The following IRAK4 variants were observed in gnomAD, a reference collection of about 807,000 sequenced individuals.
The protein encoded by IRAK4 is interleukin 1 receptor associated kinase 4, also known as interleukin-1 receptor-associated kinase 4.
Under a neutral mutation model 51.8 loss-of-function variants are expected in IRAK4, and 44 were observed. The observed-to-expected ratio is 0.85, with a 90% CI of 0.67 to 1.09. The LOEUF (loss-of-function observed/expected upper bound fraction) is 1.09, where lower values mean the gene tolerates loss of function less well. Among genes scored for constraint, IRAK4 ranks in the 50% least tolerant of loss-of-function variants. IRAK4 has a pLI of 0.00. For missense variants in IRAK4, 487 were observed against 538.0 expected (o/e 0.91, Z 0.94); for synonymous variants, 149 against 174.1 (o/e 0.86, Z 1.13).
chr12:43,772,468 C>T (rs1489609188), intron 4 of IRAK4, 106 bp downstream of exon 4: 1 of 932,874 alleles, frequency 1.1e-6, no homozygotes, highest in Non-Finnish European at 1.7e-6. Context: ...CACAGGCACA[C>T]TGGCAATAGC....
intron 2 of IRAK4, 197 bp downstream of exon 2, chr12:43,768,469 A>G: frequency 2.1e-6 from 1 of 477,022 alleles, no homozygotes; most frequent in South Asian, 3.9e-5. Flanking sequence ...AATAGGGCTA[A>G]TACTGTGATC....
chr12:43,780,276 C>G (rs1941659781), intron 8 of IRAK4, among the ~76,000 whole-genome samples: 2 of 152,100 alleles, frequency 1.3e-5, no homozygotes. Context: ...TCTTTTAAGA[C>G]ATTTTACTAG....
chr12:43,767,832 T>C (rs1940328163), intron 1 of IRAK4, among the ~76,000 whole-genome samples: 1 of 152,196 alleles, frequency 6.6e-6, no homozygotes, highest in African/African-American at 2.4e-5. Flanking sequence ...TAAATTTTAC[T>C]AGGAAAATAT....
rs758176817 is a variant in IRAK4 at position 43,782,296 on chromosome 12, A to G, written c.942-11A>G. 6.2e-6 allele frequency: 10 copies of G among 1,604,948 alleles called. No individual in the cohort carries two copies. The highest frequency in any genetic ancestry group is 2.2e-5 in the East Asian group (1 of 44,820). Reference sequence around the variant, plus strand: ...AAACATTTTTTTCTTCAAACTTTACATTTTTTTCAGTGCAAATATCTTACT... The same window carrying G: ...AAACATTTTTTTCTTCAAACTTTACGTTTTTTTCAGTGCAAATATCTTACT... On this transcript the variant is annotated splice_polypyrimidine_tract_variant and intron_variant, in intron 8 of 11. Coordinates refer to ENST00000613694, the MANE Select transcript of IRAK4 (RefSeq NM_016123.4).
In IRAK4 at chr12:43,771,383, A is replaced by G. The variant is rs118097313; in HGVS notation, c.307+18A>G. Reference sequence around the variant, plus strand: ...GCTCCCAGGTAAACTGATTGTGACCAGGGTGTCCACAATTAGGGTGGAAAG... The same window carrying G: ...GCTCCCAGGTAAACTGATTGTGACCGGGGTGTCCACAATTAGGGTGGAAAG... On this transcript the variant is annotated intron_variant, in intron 3 of 11. Transcript: ENST00000613694. The G allele has an allele frequency of 8.9e-3, 14,380 of 1,613,574 alleles. 189 individuals carry two copies. Among genetic ancestry groups the G allele is most frequent in the East Asian group, 0.056 (2,529 of 44,866 alleles).
chr12:43,768,511 A>T (rs1391587243), intron 2 of IRAK4: 5 of 346,498 alleles, frequency 1.4e-5, no homozygotes, highest in Non-Finnish European at 2.6e-5. Context: ...TAGAATCAAG[A>T]TTCCCACCTT....
intron 9 of IRAK4, 80 bp downstream of exon 9, chr12:43,782,570 C>T (rs375499445): frequency 1.7e-6 from 2 of 1,149,942 alleles, no homozygotes; most frequent in Non-Finnish European, 1.3e-6. Flanking sequence ...TTTAATACAC[C>T]CATCTTGTTT....
chr12:43,773,949 T>C lies in IRAK4; in HGVS notation c.652-16T>C. The C allele has an allele frequency of 2.0e-6, 3 of 1,528,560 alleles. No individual in the cohort carries two copies. The highest frequency in any genetic ancestry group is 2.7e-5 in the African/African-American group (2 of 73,462). The allele number at this position is 1,528,560 out of a possible 1,614,324, so 94.7% of individuals were successfully genotyped here. A position where few individuals can be genotyped will look rare whatever the true frequency, so the allele number is the denominator to read the frequency against. On this transcript the variant is annotated splice_polypyrimidine_tract_variant and intron_variant, in intron 5 of 11. Coordinates refer to ENST00000613694, the MANE Select transcript of IRAK4 (RefSeq NM_016123.4). ...TAGAATTGTGTAGTATTACATTGTA[T>C]ATTTTATTTTTTCAGATGGTTGACA...
At chr12:43,774,052 G>A (rs368286263) in intron 6 of IRAK4, 23 bp downstream of exon 6, 15 of 1,573,830 alleles carry the variant, frequency 9.5e-6, no homozygotes, top group East Asian at 2.2e-5. Flanking sequence ...CTGGCAGTGC[G>A]GTGTAGTGGA....
intron 8 of IRAK4, among the ~76,000 whole-genome samples, chr12:43,780,728 C>T (rs943403977): frequency 1.3e-5 from 2 of 152,054 alleles, no homozygotes; most frequent in Admixed American, 6.5e-5. Context: ...TCCACCACCA[C>T]GCTCTGCTAA....
chr12:43,773,982 T>A lies in IRAK4; in HGVS notation c.669T>A (p.Thr223=). The change falls in exon 6 of 12, where the codon ACT becomes ACA. Residue 223 remains threonine (T), a synonymous_variant. Transcript: ENST00000613694. ...TTTTTCAGATGGTTGACATTACTAC[T>A]GAAGAACTGAAACAGCAGTTTGATC... ...KKLAAMVDIT[T]EELKQQFDQE... is the part of the protein sequence containing the mutation. 1 of 1,605,912 alleles carries A rather than the reference T, an allele frequency of 6.2e-7. No individual in the cohort carries two copies.
Position 43,782,053 on chromosome 12 carries a change from T to A in IRAK4, c.942-254T>A, listed in dbSNP as rs1316834356. Among the ~76,000 whole-genome samples the A allele has an allele frequency of 2.2e-5, 3 of 135,914 alleles. No homozygotes were observed. The East Asian group carries it at 7.0e-4, about 32-fold the overall frequency. The allele number at this position is 135,914 out of a possible 152,430, so 89.2% of individuals were successfully genotyped here. On this transcript the variant is annotated intron_variant, in intron 8 of 11. Coordinates refer to ENST00000613694, the MANE Select transcript of IRAK4 (RefSeq NM_016123.4). Reference sequence around the variant, plus strand: ...ATTTCATTTTTATTCTCCTAAATGTTTTCCTCAAGAAACATAAAAAAAGAG... The same window carrying A: ...ATTTCATTTTTATTCTCCTAAATGTATTCCTCAAGAAACATAAAAAAAGAG...
chr12:43,789,148 T>C lies in IRAK4; in HGVS notation c.*2433T>C, dbSNP rs9849. ...GTTTAGATGTTTGTCTCCTTCAAAT[T>C]TCATGTTTAAATGTAATCCCCAGTG... On this transcript the variant is annotated 3_prime_UTR_variant, in exon 12 of 12. Coordinates refer to ENST00000613694, the MANE Select transcript of IRAK4 (RefSeq NM_016123.4). The C allele has an allele frequency of 0.21, 31,988 of 152,000 alleles. 6,142 individuals are homozygous for C. The highest frequency in any genetic ancestry group is 0.51 in the African/African-American group (21,196 of 41,370). 9.4% of individuals were successfully genotyped at this position (152,000 alleles called of 1,614,324 possible).
Position 43,778,189 on chromosome 12 carries a change from T to G in IRAK4, c.832-4T>G, listed in dbSNP as rs751605479. On this transcript the variant is annotated splice_polypyrimidine_tract_variant and splice_region_variant and intron_variant, in intron 7 of 11. Coordinates refer to ENST00000613694, the MANE Select transcript of IRAK4 (RefSeq NM_016123.4). ...ATTTTTAATTTGGTTTATTTCTTTATAAGGATGGTACTCCACCACTTTCTT... is the reference window on the plus strand; with the variant it reads ...ATTTTTAATTTGGTTTATTTCTTTAGAAGGATGGTACTCCACCACTTTCTT... 6.5e-7 allele frequency: 1 copy of G among 1,533,566 alleles called. No individual in the cohort carries two copies. Among genetic ancestry groups the G allele is most frequent in the South Asian group, 1.1e-5 (1 of 89,378 alleles). The allele number at this position is 1,533,566 out of a possible 1,614,324, so 95.0% of individuals were successfully genotyped here.
At chr12:43,769,112 G>A (rs570397005) in intron 2 of IRAK4, among the ~76,000 whole-genome samples, 1 of 151,862 alleles carries the variant, frequency 6.6e-6, no homozygotes, top group African/African-American at 2.4e-5. Flanking sequence ...AGATAATTGG[G>A]GCAGTGGTGG....
intron 5 of IRAK4, chr12:43,773,685 C>T: frequency 1.8e-5 from 5 of 281,946 alleles, no homozygotes; most frequent in East Asian, 6.9e-5. Context: ...TTTCTGTTTC[C>T]TAGAATTTTT....
chr12:43,771,396 T>C, intron 3 of IRAK4, 31 bp downstream of exon 3: 2 of 1,611,720 alleles, frequency 1.2e-6, no homozygotes, highest in Admixed American at 1.7e-5. Flanking sequence ...GTGTCCACAA[T>C]TAGGGTGGAA....
At chr12:43,778,697 CAT>C (rs1283546646) in intron 8 of IRAK4, among the ~76,000 whole-genome samples, 1 of 151,930 alleles carries the variant, frequency 6.6e-6, no homozygotes. Flanking sequence ...CTATAAGTAA[CAT>C]ATTCATATAT....
Position 43,773,997 on chromosome 12 carries a change from G to A in IRAK4, c.684G>A (p.Gln228=). 6.2e-7 allele frequency: 1 copy of A among 1,610,256 alleles called. No homozygotes were observed. The highest frequency in any genetic ancestry group is 8.5e-7 in the Non-Finnish European group (1 of 1,177,628). Residue 228 remains glutamine (Q), a synonymous_variant, in exon 6 of 12, where the codon CAG becomes CAA. Coordinates refer to ENST00000613694, the MANE Select transcript of IRAK4 (RefSeq NM_016123.4). ...MVDITTEELK[Q]QFDQEIKVMA... The stretch of plus-strand genomic sequence containing the variant: ...ACATTACTACTGAAGAACTGAAACA[G>A]CAGTTTGATCAAGAAATAAAAGTAA...
Sources: gnomAD v4.1 joint callset for allele counts (sites outside exome capture counted in the v4.1 genomes callset) on GRCh38, gnomAD v4.1.1 for gene constraint, MANE v1.5 for transcripts, NCBI Gene and HGNC (gene_info 2026-07-23, HGNC 2026-07-21) for gene names.